Variants in ACVR1 observed in about 807,000 individuals in gnomAD.
ACVR1 encodes the protein activin receptor type-1.
ACVR1 carries 38 observed loss-of-function variants against 57.1 expected under a neutral mutation model. That is an observed-to-expected ratio of 0.67 (90% CI 0.51 to 0.87). The LOEUF is 0.87. ACVR1 is among the 40% of genes least tolerant of loss of function. The pLI is 0.00. For missense variants in ACVR1, 463 were observed against 638.2 expected (o/e 0.73, Z 2.96); for synonymous variants, 212 against 228.1 (o/e 0.93, Z 0.63).
At chr2:157,770,299 G>T in intron 7 of ACVR1, 69 bp downstream of exon 7, 1 of 1,570,026 alleles carries the variant, frequency 6.4e-7, no homozygotes, top group Non-Finnish European at 8.8e-7. Context: ...TCACCAAAAC[G>T]GAGAGAGCAA....
At chr2:157,759,233 A>T (rs546744350) in intron 9 of ACVR1, among the ~76,000 whole-genome samples, 3 of 152,204 alleles carry the variant, frequency 2.0e-5, no homozygotes, top group African/African-American at 7.2e-5. Flanking sequence ...AAAACTGATA[A>T]ACTGTTAACT....
At chr2:157,754,867 A>C (rs1021154606) in intron 9 of ACVR1, among the ~76,000 whole-genome samples, 1 of 152,200 alleles carries the variant, frequency 6.6e-6, no homozygotes, top group Non-Finnish European at 1.5e-5. Flanking sequence ...TTAACAAAAC[A>C]CTAGCTAACC....
intron 9 of ACVR1, among the ~76,000 whole-genome samples, chr2:157,756,117 G>A (rs1431301245): frequency 6.6e-6 from 1 of 152,036 alleles, no homozygotes; most frequent in African/African-American, 2.4e-5. Flanking sequence ...GCCACATGTA[G>A]GAGAATGAAA....
chr2:157,854,225 T>G (rs1446577904), intron 1 of ACVR1, among the ~76,000 whole-genome samples: 1 of 150,840 alleles, frequency 6.6e-6, no homozygotes, highest in African/African-American at 2.5e-5. Flanking sequence ...AAAGAAGCAT[T>G]TTTTTCTTCC....
intron 1 of ACVR1, among the ~76,000 whole-genome samples, chr2:157,823,303 A>G (rs918686129): frequency 2.0e-5 from 3 of 152,208 alleles, no homozygotes; most frequent in Admixed American, 6.5e-5. Flanking sequence ...CATTTACCTC[A>G]TAAGTGATTT....
intron 1 of ACVR1, among the ~76,000 whole-genome samples, chr2:157,865,237 C>T (rs1293707269): frequency 6.6e-6 from 1 of 152,010 alleles, no homozygotes; most frequent in East Asian, 1.9e-4. Context: ...GAAAGGAAAG[C>T]ACCACAAAGA....
At chr2:157,822,434 T>C (rs1327560755) in intron 1 of ACVR1, among the ~76,000 whole-genome samples, 4 of 152,254 alleles carry the variant, frequency 2.6e-5, no homozygotes, top group Non-Finnish European at 4.4e-5. Flanking sequence ...GAGCTTATAC[T>C]ATTCCCAAAT....
intron 1 of ACVR1, among the ~76,000 whole-genome samples, chr2:157,854,656 G>A (rs1689447928): frequency 6.6e-6 from 1 of 151,412 alleles, no homozygotes; most frequent in Non-Finnish European, 1.5e-5. Flanking sequence ...CCGGGAGGCA[G>A]AGCTTGCAGT....
At chr2:157,870,271 A>AT (rs56268896) in intron 1 of ACVR1, among the ~76,000 whole-genome samples, 148,189 of 152,200 alleles carry the variant, frequency 0.97, 72,270 homozygotes, top group East Asian at 1. Context: ...TCAAGGTTAT[A>AT]TTTTGGAGGG....
intron 1 of ACVR1, among the ~76,000 whole-genome samples, chr2:157,828,399 G>A (rs903727532): frequency 1.4e-5 from 2 of 144,598 alleles, no homozygotes; most frequent in East Asian, 2.1e-4. Flanking sequence ...GCAGTGAGCC[G>A]AGATCACGCC....
chr2:157,746,321 A>G (rs1320590829), intron 9 of ACVR1, among the ~76,000 whole-genome samples: 1 of 152,200 alleles, frequency 6.6e-6, no homozygotes, highest in Non-Finnish European at 1.5e-5. Context: ...TTTAAAGTAG[A>G]TATTATTATT....
intron 1 of ACVR1, chr2:157,860,324 TC>T (rs1242793495): frequency 6.6e-6 from 1 of 152,230 alleles, no homozygotes; most frequent in Non-Finnish European, 1.5e-5. Context: ...GGACAGTCAG[TC>T]ACCCTACTCA....
intron 2 of ACVR1, among the ~76,000 whole-genome samples, chr2:157,806,229 C>T (rs148160575): frequency 3.2e-3 from 484 of 152,144 alleles, no homozygotes; most frequent in African/African-American, 0.01. Flanking sequence ...TTTAATACAC[C>T]ATTCAATCAT....
intron 1 of ACVR1, among the ~76,000 whole-genome samples, chr2:157,846,256 G>GA (rs1346263356): frequency 6.6e-6 from 1 of 152,216 alleles, no homozygotes; most frequent in Non-Finnish European, 1.5e-5. Context: ...CAAGCCAAAG[G>GA]AAGTGGATTC....
intron 1 of ACVR1, among the ~76,000 whole-genome samples, chr2:157,829,563 C>T (rs1035063778): frequency 2.0e-5 from 3 of 152,228 alleles, no homozygotes; most frequent in Non-Finnish European, 4.4e-5. Flanking sequence ...ACATCTCCAA[C>T]ATCATCGAGT....
chr2:157,774,647 A>G (rs1686208665), intron 5 of ACVR1, among the ~76,000 whole-genome samples: 1 of 152,142 alleles, frequency 6.6e-6, no homozygotes, highest in African/African-American at 2.4e-5. Context: ...TACAGGCATG[A>G]GCCACCACGC....
Position 157,760,769 on chromosome 2 carries a change from C to T in ACVR1, c.1264+111G>A, listed in dbSNP as rs73022045. 1.5e-3 allele frequency: 1,592 copies of T among 1,083,166 alleles called. 15 individuals carry two copies. The African/African-American group carries it at 0.019, about 13-fold the overall frequency. The allele number at this position is 1,083,166 out of a possible 1,614,324, so 67.1% of individuals were successfully genotyped here. The stretch of plus-strand genomic sequence containing the variant: ...AAATATGAATGCCTATAACTCGACA[C>T]GTACGATTCAAAGAACAATGTGAAT... On this transcript the variant is annotated intron_variant, in intron 9 of 10. Coordinates refer to ENST00000434821, the MANE Select transcript of ACVR1 (RefSeq NM_001111067.4).
chr2:157,822,790 T>C (rs1310121168), intron 1 of ACVR1, among the ~76,000 whole-genome samples: 5 of 152,228 alleles, frequency 3.3e-5, no homozygotes, highest in African/African-American at 1.2e-4. Context: ...GAACTGATAG[T>C]TGTAACAGAG....
intron 2 of ACVR1, among the ~76,000 whole-genome samples, chr2:157,809,105 C>G (rs989318653): frequency 1.3e-5 from 2 of 152,094 alleles, no homozygotes; most frequent in African/African-American, 2.4e-5. Flanking sequence ...TTTGCCTACA[C>G]GGCTGTTATC....
Sources: gnomAD v4.1 joint callset for allele counts (sites outside exome capture counted in the v4.1 genomes callset) on GRCh38, gnomAD v4.1.1 for gene constraint, MANE v1.5 for transcripts, NCBI Gene and HGNC (gene_info 2026-07-23, HGNC 2026-07-21) for gene names.